MOB3B: variants seen among roughly 807,000 people sequenced by gnomAD.
MOB3B encodes MOB kinase activator-like 2B.
Under a neutral mutation model 18.7 loss-of-function variants are expected in MOB3B, and 7 were observed. That is an observed-to-expected ratio of 0.37 (90% CI 0.21 to 0.70). The LOEUF is 0.70. MOB3B is among the 30% of genes least tolerant of loss of function. The pLI is 0.52. For missense variants in MOB3B, 253 were observed against 281.3 expected (o/e 0.90, Z 0.72); for synonymous variants, 111 against 99.9 (o/e 1.11, Z -0.66).
chr9:27,524,267 G>A, intron 1 of MOB3B: 3 of 1,488,466 alleles, frequency 2.0e-6, no homozygotes, highest in Non-Finnish European at 2.7e-6. Context: ...GTATATAAAG[G>A]CACATGAAGG....
intron 2 of MOB3B, among the ~76,000 whole-genome samples, chr9:27,412,926 C>T (rs530398407): frequency 1.3e-5 from 2 of 152,346 alleles, no homozygotes; most frequent in South Asian, 4.1e-4. Context: ...GAACATGGAC[C>T]ACGCTGAGGG....
intron 3 of MOB3B, among the ~76,000 whole-genome samples, chr9:27,348,999 C>T (rs1305207845): frequency 1.3e-5 from 2 of 152,198 alleles, no homozygotes; most frequent in South Asian, 2.1e-4. Context: ...AGGACATGGC[C>T]CATTCAAAGA....
intron 2 of MOB3B, among the ~76,000 whole-genome samples, chr9:27,407,400 C>A (rs1171429954): frequency 2.0e-5 from 3 of 152,148 alleles, no homozygotes; most frequent in Admixed American, 2.0e-4. Flanking sequence ...GGGTTTGAGT[C>A]TTCCATCAAA....
chr9:27,453,462 G>C (rs750917973), intron 2 of MOB3B, among the ~76,000 whole-genome samples: 9 of 152,110 alleles, frequency 5.9e-5, no homozygotes, highest in Admixed American at 2.0e-4. Context: ...AAGCAAAGTC[G>C]GTTACCCTGG....
At chr9:27,453,170 T>A (rs1341402451) in intron 2 of MOB3B, among the ~76,000 whole-genome samples, 5 of 151,324 alleles carry the variant, frequency 3.3e-5, no homozygotes, top group South Asian at 2.1e-4. Context: ...TTCATTAATT[T>A]AAAAAAAAAG....
chr9:27,370,508 C>CAAAAA (rs761033781), intron 2 of MOB3B, among the ~76,000 whole-genome samples: 3 of 82,704 alleles, frequency 3.6e-5, no homozygotes. Context: ...AACTCCATCT[C>CAAAAA]AGAAAAAAAA....
chr9:27,495,349 G>A (rs28624452), intron 1 of MOB3B, among the ~76,000 whole-genome samples: 2 of 152,006 alleles, frequency 1.3e-5, no homozygotes, highest in Non-Finnish European at 2.9e-5. Context: ...TAAATAAATA[G>A]ATAAATAAAT....
Position 27,404,315 on chromosome 9 carries a change from T to TTTTC in MOB3B, c.419-45083_419-45080dup, listed in dbSNP as rs200137447. On this transcript the variant is annotated intron_variant, in intron 2 of 3. Transcript: ENST00000262244. ...TATTCCATTGTGCATATAAACCACA[T>TTTTC]TTTCTTTCTTTCTTTCTTTCCTTCT... 2.5e-3 allele frequency among the ~76,000 whole-genome samples: 369 copies of TTTTC among 149,748 alleles called. 4 individuals are homozygous for TTTTC. The highest frequency in any genetic ancestry group is 8.6e-3 in the African/African-American group (353 of 40,868).
rs117175542 is a variant in MOB3B at position 27,359,535 on chromosome 9, A to C, written c.419-299T>G. Among the ~76,000 whole-genome samples, 862 of 152,312 alleles carry C rather than the reference A, an allele frequency of 5.7e-3. 6 individuals are homozygous for C. Among genetic ancestry groups the C allele is most frequent in the Admixed American group, 9.7e-3 (149 of 15,308 alleles). On this transcript the variant is annotated intron_variant, in intron 2 of 3. Coordinates refer to ENST00000262244, the MANE Select transcript of MOB3B (RefSeq NM_024761.5). ...CAAGATAATTCAGAAATTTAGAGTTATACTTGGACCTGCTGCATTTTTTAA... is the reference window on the plus strand; with the variant it reads ...CAAGATAATTCAGAAATTTAGAGTTCTACTTGGACCTGCTGCATTTTTTAA...
chr9:27,426,597 A>T (rs1437587253), intron 2 of MOB3B, among the ~76,000 whole-genome samples: 1 of 152,198 alleles, frequency 6.6e-6, no homozygotes, highest in Admixed American at 6.5e-5. Flanking sequence ...TCAGAGCTCT[A>T]CCTCATGCCT....
At chr9:27,403,814 T>C (rs533146633) in intron 2 of MOB3B, among the ~76,000 whole-genome samples, 1 of 152,110 alleles carries the variant, frequency 6.6e-6, no homozygotes, top group African/African-American at 2.4e-5. Flanking sequence ...GGATACATAA[T>C]AGTTGTACAC....
intron 2 of MOB3B, among the ~76,000 whole-genome samples, chr9:27,390,274 T>G (rs896975011): frequency 6.6e-6 from 1 of 150,486 alleles, no homozygotes; most frequent in Non-Finnish European, 1.5e-5. Context: ...TTTTTGAGAC[T>G]GAGTCTCACT....
chr9:27,528,779 AG>A (rs149786190), intron 1 of MOB3B, among the ~76,000 whole-genome samples: 26,452 of 151,278 alleles, frequency 0.17, 2,695 homozygotes, highest in Middle Eastern at 0.26. Flanking sequence ...AAAGAGCGCG[AG>A]GGGGGGGATC....
intron 3 of MOB3B, among the ~76,000 whole-genome samples, chr9:27,341,239 GC>G: frequency 6.6e-6 from 1 of 152,320 alleles, no homozygotes; most frequent in South Asian, 2.1e-4. Context: ...TTAATGACAT[GC>G]AAGAAACGCT....
intron 1 of MOB3B, among the ~76,000 whole-genome samples, chr9:27,481,511 G>GTTTTTTTTTTT (rs536716885): frequency 2.9e-5 from 2 of 69,650 alleles, no homozygotes; most frequent in Admixed American, 1.3e-4. Flanking sequence ...TTTTTTTTTT[G>GTTTTTTTTTTT]TTTTTTTTGT....
At chr9:27,410,283 C>T (rs1822046249) in intron 2 of MOB3B, among the ~76,000 whole-genome samples, 1 of 152,090 alleles carries the variant, frequency 6.6e-6, no homozygotes, top group Non-Finnish European at 1.5e-5. Flanking sequence ...TTTAATAAGA[C>T]CTCAGCTCAT....
At chr9:27,524,692 A>C in intron 1 of MOB3B, 2 of 1,614,130 alleles carry the variant, frequency 1.2e-6, no homozygotes, top group Non-Finnish European at 1.7e-6. Flanking sequence ...ATAGGACTTG[A>C]TCAGCAAGCA....
rs1820713294 is a variant in MOB3B, at chr9:27,326,460, A to G, written c.*4127T>C. The G allele has an allele frequency of 7.5e-6, 3 of 398,466 alleles. No individual in the cohort carries two copies. The Admixed American group carries it at 1.3e-4, about 18-fold the overall frequency. 24.7% of individuals were successfully genotyped at this position (398,466 alleles called of 1,614,324 possible). On this transcript the variant is annotated 3_prime_UTR_variant, in exon 4 of 4. Transcript: ENST00000262244. ...GGGACACTAGAAAAGATATACTGAA[A>G]CTCAAAAAGAATACTTCAGCTCGAG...
At chr9:27,379,447 T>C (rs1821542294) in intron 2 of MOB3B, among the ~76,000 whole-genome samples, 1 of 152,146 alleles carries the variant, frequency 6.6e-6, no homozygotes, top group African/African-American at 2.4e-5. Context: ...GGACCAGTCA[T>C]TACCTCACTG....
Sources: allele counts gnomAD v4.1 joint callset (sites outside exome capture counted in the v4.1 genomes callset), GRCh38; gene constraint gnomAD v4.1.1; transcripts MANE v1.5; gene names NCBI Gene and HGNC (gene_info 2026-07-23, HGNC 2026-07-21).